PADI1: variants seen among roughly 807,000 people sequenced by gnomAD.
PADI1 encodes peptidyl arginine deiminase 1, also known as protein-arginine deiminase type-1.
A neutral mutation model predicts 74.8 loss-of-function variants in PADI1; 65 were observed. The ratio of observed to expected loss-of-function variants is 0.87; its 90% CI spans 0.71 to 1.07. PADI1 has a LOEUF of 1.07. PADI1 is among the 50% of genes least tolerant of loss of function. The probability of loss-of-function intolerance (pLI) is 0.00; values close to 1 mark genes in which losing one functional copy is unlikely to be tolerated. For missense variants in PADI1, 943 were observed against 854.0 expected (o/e 1.10, Z -1.30); for synonymous variants, 371 against 336.2 (o/e 1.10, Z -1.13).
chr1:17,238,797 A>C, intron 13 of PADI1, 88 bp downstream of exon 13: 1 of 580,562 alleles, frequency 1.7e-6, no homozygotes, highest in Non-Finnish European at 2.8e-6. Context: ...CAGATCTCTC[A>C]GCTGGACTCA....
rs570418228 is a variant in PADI1, at chr1:17,235,079, T to A, written c.1313+2109T>A. On this transcript the variant is annotated intron_variant, in intron 11 of 15. Transcript: ENST00000375471. Reference sequence around the variant, plus strand: ...TTGCGCTGAGCTAAGATCAAGCCACTGCACTCCAGCCTAGGTGACAGAGCA... The same window carrying A: ...TTGCGCTGAGCTAAGATCAAGCCACAGCACTCCAGCCTAGGTGACAGAGCA... Among the ~76,000 whole-genome samples the A allele has an allele frequency of 1.7e-3, 251 of 148,038 alleles. 1 individual carries two copies. The highest frequency in any genetic ancestry group is 5.8e-3 in the African/African-American group (231 of 39,754).
At chr1:17,215,644 G>C (rs1378516505) in intron 1 of PADI1, among the ~76,000 whole-genome samples, 1 of 152,088 alleles carries the variant, frequency 6.6e-6, no homozygotes, top group African/African-American at 2.4e-5. Flanking sequence ...CATGGGCCAG[G>C]CCGACTGGAT....
In PADI1 at chr1:17,229,086, T is replaced by G. The variant is rs367797924; in HGVS notation, c.929+35T>G. 2.4e-4 allele frequency: 324 copies of G among 1,352,094 alleles called. 4 individuals are homozygous for G. The Middle Eastern group carries it at 0.021, about 86-fold the overall frequency. The allele number at this position is 1,352,094 out of a possible 1,614,324, so 83.8% of individuals were successfully genotyped here. A position where few individuals can be genotyped will look rare whatever the true frequency, so the allele number is the denominator to read the frequency against. On this transcript the variant is annotated intron_variant, in intron 8 of 15. Coordinates refer to ENST00000375471, the MANE Select transcript of PADI1 (RefSeq NM_013358.3). ...CCTCCCTCCAGCCCTCCCCCAAGTC[T>G]GGAGTGCAGAGGTAGGGACAGAAGC...
At chr1:17,222,860 C>G (rs1266889589) in intron 2 of PADI1, among the ~76,000 whole-genome samples, 1 of 152,212 alleles carries the variant, frequency 6.6e-6, no homozygotes, top group Non-Finnish European at 1.5e-5. Flanking sequence ...ACGTCCACAT[C>G]TTTGTGTGCA....
intron 14 of PADI1, 152 bp from the exon 15 acceptor site, chr1:17,240,483 G>A (rs1450532457): frequency 2.6e-5 from 20 of 780,212 alleles, no homozygotes; most frequent in South Asian, 1.1e-4. Context: ...AGTTTCCCCC[G>A]GACAGCAATG....
chr1:17,212,720 G>T (rs955560149), intron 1 of PADI1, among the ~76,000 whole-genome samples: 1 of 152,344 alleles, frequency 6.6e-6, no homozygotes, highest in Non-Finnish European at 1.5e-5. Flanking sequence ...CTTTGGGAGT[G>T]GGCAGGGGGC....
At chr1:17,238,754 C>A in intron 13 of PADI1, 45 bp downstream of exon 13, 1 of 1,010,108 alleles carries the variant, frequency 9.9e-7, no homozygotes, top group Non-Finnish European at 1.4e-6. Context: ...CCTGCCCTTT[C>A]ATCACCATCC....
At position 17,223,504 on chromosome 1, in the gene PADI1, G is replaced by GA; in HGVS notation, c.274-117_274-116insA. The stretch of plus-strand genomic sequence containing the variant: ...GAGTCTTGGGACTTCAGAGACTGGG[G>GA]GGGTCTCCAGGCCTCCTGTGCCTCT... On this transcript the variant is annotated intron_variant, in intron 2 of 15. Transcript: ENST00000375471. 2 of 776,844 alleles carry GA rather than the reference G, an allele frequency of 2.6e-6. 1 individual carries two copies. The highest frequency in any genetic ancestry group is 3.0e-5 in the South Asian group (2 of 65,600). 48.1% of individuals were successfully genotyped at this position (776,844 alleles called of 1,614,324 possible).
Position 17,225,948 on chromosome 1 carries a change from G to C in PADI1, c.526+20G>C, listed in dbSNP as rs747857996. ...TGGCTGGTGAGTGACACAAGGTGTTGTCTGGGGAGTGGGGAAGGGGGATGG... is the reference window on the plus strand; with the variant it reads ...TGGCTGGTGAGTGACACAAGGTGTTCTCTGGGGAGTGGGGAAGGGGGATGG... On this transcript the variant is annotated intron_variant, in intron 5 of 15. Transcript: ENST00000375471. 2.5e-6 allele frequency: 4 copies of C among 1,612,722 alleles called. No individual in the cohort carries two copies. The highest frequency in any genetic ancestry group is 2.5e-6 in the Non-Finnish European group (3 of 1,178,976).
rs1443529312 is a variant in PADI1, at chr1:17,244,263, C to A, written c.*20C>A. 2 of 1,568,726 alleles carry A rather than the reference C, an allele frequency of 1.3e-6. No homozygotes were observed. Among genetic ancestry groups the A allele is most frequent in the Non-Finnish European group, 1.8e-6 (2 of 1,138,812 alleles). On this transcript the variant is annotated 3_prime_UTR_variant, in exon 16 of 16. Coordinates refer to ENST00000375471, the MANE Select transcript of PADI1 (RefSeq NM_013358.3). ...CCCTGAGCCTGCCCCCACCCGCCATCCTCTCTGCCCTCTTGCTAGGGAACC... is the reference window on the plus strand; with the variant it reads ...CCCTGAGCCTGCCCCCACCCGCCATACTCTCTGCCCTCTTGCTAGGGAACC...
chr1:17,230,296 G>A (rs1195007544), intron 9 of PADI1, 88 bp downstream of exon 9: 2 of 1,502,582 alleles, frequency 1.3e-6, no homozygotes, highest in Non-Finnish European at 8.9e-7. Flanking sequence ...AGTGTCGCTA[G>A]AGAAGCCACG....
chr1:17,236,720 G>C (rs1025006105), intron 11 of PADI1, among the ~76,000 whole-genome samples: 4 of 151,706 alleles, frequency 2.6e-5, no homozygotes, highest in Admixed American at 2.6e-4. Context: ...CCAGCCTCTA[G>C]GCTGGGCAAC....
intron 3 of PADI1, 29 bp downstream of exon 3, chr1:17,223,722 T>C: frequency 1.9e-6 from 3 of 1,587,648 alleles, no homozygotes; most frequent in Non-Finnish European, 2.6e-6. Context: ...GCTGCCCATC[T>C]ATCCCTTTGC....
chr1:17,236,974 C>A (rs186959422), intron 11 of PADI1, among the ~76,000 whole-genome samples: 104 of 152,286 alleles, frequency 6.8e-4, no homozygotes, highest in Non-Finnish European at 1.3e-3. Flanking sequence ...GCCAAGTGAG[C>A]AAGGAGGGGC....
intron 1 of PADI1, among the ~76,000 whole-genome samples, chr1:17,221,875 G>A (rs2072161028): frequency 6.6e-6 from 1 of 152,232 alleles, no homozygotes; most frequent in Non-Finnish European, 1.5e-5. Flanking sequence ...TTCCAGCAAA[G>A]GAACAACACG....
chr1:17,231,864 T>G (rs11800455), intron 10 of PADI1, among the ~76,000 whole-genome samples: 45,813 of 151,716 alleles, frequency 0.3, 7,443 homozygotes, highest in African/African-American at 0.41. Flanking sequence ...TTTACATTAG[T>G]TATATCTTGT....
At chr1:17,225,165 G>T (rs1355670427) in intron 4 of PADI1, among the ~76,000 whole-genome samples, 2 of 152,192 alleles carry the variant, frequency 1.3e-5, no homozygotes, top group Admixed American at 1.3e-4. Context: ...AAGAACCTGG[G>T]TTTAAAGGCC....
chr1:17,226,220 A>ATC, intron 6 of PADI1, 62 bp downstream of exon 6: 2 of 1,560,764 alleles, frequency 1.3e-6, no homozygotes, highest in East Asian at 2.3e-5. Flanking sequence ...CTCCTCCCCC[A>ATC]TCTCTCTCTC....
At chr1:17,230,745 C>T in intron 10 of PADI1, 66 bp downstream of exon 10, 1 of 865,028 alleles carries the variant, frequency 1.2e-6, no homozygotes, top group South Asian at 1.4e-5. Flanking sequence ...CCAGTGAAGT[C>T]TCATCTGGAC....
Sources: gnomAD v4.1 joint callset for allele counts (sites outside exome capture counted in the v4.1 genomes callset) on GRCh38, gnomAD v4.1.1 for gene constraint, MANE v1.5 for transcripts, NCBI Gene and HGNC (gene_info 2026-07-23, HGNC 2026-07-21) for gene names.